The following TAFA4 variants were observed in gnomAD, a reference collection of about 807,000 sequenced individuals.
TAFA4 encodes the protein chemokine-like protein TAFA-4.
Under a neutral mutation model 21.1 loss-of-function variants are expected in TAFA4, and 20 were observed. The observed-to-expected ratio is 0.95, with a 90% CI of 0.67 to 1.38. The LOEUF (loss-of-function observed/expected upper bound fraction) is 1.38. Among genes scored for constraint, TAFA4 ranks in the 40% most tolerant of loss-of-function variants. TAFA4 has a pLI of 0.00. For synonymous variants in TAFA4, 71 were observed against 67.4 expected (o/e 1.05, Z -0.26); for missense variants, 211 against 180.9 (o/e 1.17, Z -0.95).
At chr3:68,854,981 C>A (rs919626928) in intron 3 of TAFA4, among the ~76,000 whole-genome samples, 2 of 152,148 alleles carry the variant, frequency 1.3e-5, no homozygotes, top group Non-Finnish European at 2.9e-5. Flanking sequence ...TTCTAACACC[C>A]TTGGTTCCAA....
intron 3 of TAFA4, among the ~76,000 whole-genome samples, chr3:68,761,335 T>C (rs1347214417): frequency 6.7e-6 from 1 of 150,158 alleles, no homozygotes; most frequent in Non-Finnish European, 1.5e-5. Flanking sequence ...CTGAAAAAAA[T>C]GAGCAAAAAA....
intron 4 of TAFA4, among the ~76,000 whole-genome samples, chr3:68,749,145 A>G (rs1307609569): frequency 6.6e-6 from 1 of 152,206 alleles, no homozygotes; most frequent in East Asian, 1.9e-4. Flanking sequence ...CCACTTCAAT[A>G]ACTCAGGGGA....
chr3:68,793,805 A>G (rs1703408039), intron 3 of TAFA4, among the ~76,000 whole-genome samples: 1 of 152,222 alleles, frequency 6.6e-6, no homozygotes, highest in Admixed American at 6.5e-5. Context: ...GAGGAATTAC[A>G]TAGAGATAAA....
chr3:68,873,337 T>TACAC (rs34998311), intron 3 of TAFA4, among the ~76,000 whole-genome samples: 10,816 of 133,374 alleles, frequency 0.081, 535 homozygotes, highest in Non-Finnish European at 0.094. Flanking sequence ...CACGCAGACA[T>TACAC]ACACACACAC....
At chr3:68,833,405 A>G in intron 3 of TAFA4, among the ~76,000 whole-genome samples, 1 of 152,238 alleles carries the variant, frequency 6.6e-6, no homozygotes, top group East Asian at 1.9e-4. Flanking sequence ...GTGTACGTAC[A>G]GCCAGAGTCT....
At chr3:68,828,307 G>A (rs1408757663) in intron 3 of TAFA4, among the ~76,000 whole-genome samples, 1 of 152,168 alleles carries the variant, frequency 6.6e-6, no homozygotes, top group Non-Finnish European at 1.5e-5. Flanking sequence ...AAGTCAGGTA[G>A]CATAATGCCT....
intron 3 of TAFA4, among the ~76,000 whole-genome samples, chr3:68,850,627 A>T (rs1045483788): frequency 6.6e-6 from 1 of 152,048 alleles, no homozygotes; most frequent in African/African-American, 2.4e-5. Flanking sequence ...TTTGATTTGC[A>T]CTTCTCTAAT....
intron 3 of TAFA4, among the ~76,000 whole-genome samples, chr3:68,763,038 T>G (rs1363108713): frequency 6.6e-6 from 1 of 152,210 alleles, no homozygotes; most frequent in Admixed American, 6.5e-5. Flanking sequence ...ACTCCTTTTT[T>G]TCCTTTTTCT....
intron 3 of TAFA4, among the ~76,000 whole-genome samples, chr3:68,791,980 A>G (rs762642918): frequency 1.3e-5 from 2 of 152,214 alleles, no homozygotes; most frequent in Non-Finnish European, 2.9e-5. Context: ...GCAGAGATTT[A>G]GATTCTAAAA....
At chr3:68,871,083 T>C (rs1235372929) in intron 3 of TAFA4, among the ~76,000 whole-genome samples, 1 of 152,042 alleles carries the variant, frequency 6.6e-6, no homozygotes, top group East Asian at 1.9e-4. Flanking sequence ...TGTGGAGAAA[T>C]GGGAATGCTT....
At chr3:68,831,568 G>T (rs187264161) in intron 3 of TAFA4, among the ~76,000 whole-genome samples, 1,789 of 149,994 alleles carry the variant, frequency 0.012, 20 homozygotes, top group Middle Eastern at 0.045. Context: ...AGTCTGACGG[G>T]CTTCCCTTTG....
At chr3:68,797,319 A>G (rs1703471389) in intron 3 of TAFA4, among the ~76,000 whole-genome samples, 1 of 152,152 alleles carries the variant, frequency 6.6e-6, no homozygotes, top group Non-Finnish European at 1.5e-5. Flanking sequence ...TTCAGGCTTA[A>G]AAAGGAAGAC....
chr3:68,790,491 G>A (rs1479322177), intron 3 of TAFA4, among the ~76,000 whole-genome samples: 1 of 152,084 alleles, frequency 6.6e-6, no homozygotes, highest in Non-Finnish European at 1.5e-5. Flanking sequence ...GAGATTATCA[G>A]ATTAGATAAA....
intron 1 of TAFA4, among the ~76,000 whole-genome samples, chr3:68,896,696 T>G (rs1195234666): frequency 6.6e-6 from 1 of 152,130 alleles, no homozygotes; most frequent in Non-Finnish European, 1.5e-5. Flanking sequence ...GAGAATGAAT[T>G]TGGCCAGCTA....
chr3:68,901,104 G>A (rs1188109573), intron 1 of TAFA4, among the ~76,000 whole-genome samples: 1 of 152,126 alleles, frequency 6.6e-6, no homozygotes, highest in African/African-American at 2.4e-5. Context: ...GAGGTATGAG[G>A]TGGCCAGCTT....
intron 3 of TAFA4, among the ~76,000 whole-genome samples, chr3:68,845,462 C>A (rs1704763962): frequency 6.6e-6 from 1 of 152,142 alleles, no homozygotes; most frequent in African/African-American, 2.4e-5. Flanking sequence ...TGGGTCTTGA[C>A]TCTTTATCCA....
At chr3:68,761,841 T>C (rs1012352678) in intron 3 of TAFA4, among the ~76,000 whole-genome samples, 3 of 151,834 alleles carry the variant, frequency 2.0e-5, no homozygotes, top group African/African-American at 7.3e-5. Context: ...GAAGAAGAGG[T>C]TGGATTCTGG....
chr3:68,909,878 C>G (rs2089942828), intron 1 of TAFA4, among the ~76,000 whole-genome samples: 2 of 152,184 alleles, frequency 1.3e-5, no homozygotes, highest in African/African-American at 4.8e-5. Context: ...AGAAGCTGCA[C>G]TCAAGGCACT....
At chr3:68,734,621 C>T (rs1481664129) in intron 5 of TAFA4, among the ~76,000 whole-genome samples, 1 of 152,046 alleles carries the variant, frequency 6.6e-6, no homozygotes, top group Non-Finnish European at 1.5e-5. Flanking sequence ...AGGACAATTC[C>T]AAGATCTTTG....
Sources: gnomAD v4.1 joint callset for allele counts (sites outside exome capture counted in the v4.1 genomes callset) on GRCh38, gnomAD v4.1.1 for gene constraint, MANE v1.5 for transcripts, NCBI Gene and HGNC (gene_info 2026-07-23, HGNC 2026-07-21) for gene names.